TEP1: variants seen among roughly 807,000 people sequenced by gnomAD.
TEP1 encodes the protein telomerase protein component 1.
In TEP1, 241 loss-of-function variants were observed where a neutral mutation model predicts 306.3. The observed-to-expected ratio is 0.79, with a 90% confidence interval of 0.71 to 0.88. TEP1 has a LOEUF of 0.88. TEP1 is among the 40% of genes least tolerant of loss of function. TEP1 has a pLI of 0.00. For missense variants in TEP1, 3,051 were observed against 3,276.1 expected, an observed-to-expected ratio of 0.93 and a Z score of 1.68; for synonymous variants, 1,289 against 1,305.5, an observed-to-expected ratio of 0.99 and a Z score of 0.27.
chr14:20,391,346 G>T (rs1385818125), intron 13 of TEP1, among the ~76,000 whole-genome samples: 2 of 152,186 alleles, frequency 1.3e-5, no homozygotes, highest in Admixed American at 1.3e-4. Flanking sequence ...ACATATTTTG[G>T]TGATGCAAAT....
intron 9 of TEP1, among the ~76,000 whole-genome samples, chr14:20,397,135 C>T (rs1484639564): frequency 2.6e-5 from 4 of 152,216 alleles, no homozygotes; most frequent in African/African-American, 9.7e-5. Flanking sequence ...TCTGTTGGCT[C>T]TAGCCCTAAG....
chr14:20,400,701 C>A (rs574960107), intron 9 of TEP1: 6 of 349,742 alleles, frequency 1.7e-5, no homozygotes, highest in African/African-American at 1.2e-4. Flanking sequence ...ACAGAGATAT[C>A]GATATGAGTA....
At chr14:20,405,377 C>G in intron 4 of TEP1, 74 bp downstream of exon 4, 2 of 1,567,410 alleles carry the variant, frequency 1.3e-6, no homozygotes, top group Non-Finnish European at 8.7e-7. Flanking sequence ...CTAGTCACCA[C>G]CCCGCCACAC....
rs760883519 is a variant in TEP1 at position 20,368,446 on chromosome 14, A to G, written c.7875T>C (p.Asn2625=). ...CCCGAGTGGCACATCTTCATTCCCA[A>G]TTCAGAAAGTACACATTGCCCTGCA... ...GDVQGNVYFL[N]WE The change falls in exon 55 of 55, where the codon AAT becomes AAC. Residue 2625 remains asparagine, a synonymous_variant. Coordinates refer to ENST00000262715, the MANE Select transcript of TEP1 (RefSeq NM_007110.5). The G allele has an allele frequency of 1.2e-5, 19 of 1,614,010 alleles. No homozygotes were observed. Among genetic ancestry groups the G allele is most frequent in the Admixed American group, 5.0e-5 (3 of 59,992 alleles).
chr14:20,386,333 G>A, intron 19 of TEP1, 114 bp downstream of exon 19: 1 of 1,581,742 alleles, frequency 6.3e-7, no homozygotes, highest in Non-Finnish European at 8.6e-7. Flanking sequence ...TATCCAAGGA[G>A]CGACTCCCGC....
Position 20,408,187 on chromosome 14 carries a change from G to A in TEP1, c.253C>T (p.Leu85Phe). 6.2e-7 allele frequency: 1 copy of A among 1,613,862 alleles called. No homozygotes were observed. Among genetic ancestry groups the A allele is most frequent in the African/African-American group, 1.3e-5 (1 of 74,938 alleles). The change falls in exon 2 of 55, where the codon CTT (leucine) becomes TTT (phenylalanine). Residue 85 changes from leucine to phenylalanine, a missense_variant. By Grantham distance (22) the Leu-to-Phe change is conservative. Transcript: ENST00000262715. ...TTCTCCATGGTCTTCAGGTCAGAAA[G>A]TGTGGCCAGGCACTGGTTCTCCAAG... Reference protein sequence around the residue: ...LSLENQCLATLSDLKTMEKPH... With the variant: ...LSLENQCLATFSDLKTMEKPH...
intron 28 of TEP1, 53 bp downstream of exon 28, chr14:20,382,570 T>C (rs1001612808): frequency 1.7e-5 from 28 of 1,602,702 alleles, no homozygotes; most frequent in Non-Finnish European, 2.3e-5. Flanking sequence ...ACAAAGCAGC[T>C]GAAGAGAGAA....
chr14:20,396,924 G>C (rs1878254477), intron 9 of TEP1, among the ~76,000 whole-genome samples, 194 bp from the exon 10 acceptor site: 1 of 151,842 alleles, frequency 6.6e-6, no homozygotes, highest in African/African-American at 2.4e-5. Context: ...GATGATTAGA[G>C]AGAGGTCAGA....
Position 20,381,117 on chromosome 14 carries a change from C to A in TEP1, c.4648-72G>T, listed in dbSNP as rs1358779896. On this transcript the variant is annotated intron_variant, in intron 32 of 54. Coordinates refer to ENST00000262715, the MANE Select transcript of TEP1 (RefSeq NM_007110.5). This position sits in a 1 kb window ranked among gnomAD's most constrained non-coding sequence, Gnocchi z 4.0. Reference sequence around the variant, plus strand: ...AGAAGGGACAGTTTAGTCTCAGAACCTGGATACAGAGATAGGATCTGAGCT... The same window carrying A: ...AGAAGGGACAGTTTAGTCTCAGAACATGGATACAGAGATAGGATCTGAGCT... 3.7e-6 allele frequency: 5 copies of A among 1,335,888 alleles called. No individual in the cohort carries two copies. In the African/African-American group the frequency reaches 4.3e-5, roughly 12 times the overall value. The allele number at this position is 1,335,888 out of a possible 1,614,324, so 82.8% of individuals were successfully genotyped here.
Position 20,381,765 on chromosome 14 carries a change from TC to T in TEP1, c.4425-80del. 3.3e-6 allele frequency: 5 copies of T among 1,534,142 alleles called. No individual in the cohort carries two copies. Among genetic ancestry groups the T allele is most frequent in the South Asian group, 1.3e-5 (1 of 77,862 alleles). On this transcript the variant is annotated intron_variant, in intron 30 of 54. Coordinates refer to ENST00000262715, the MANE Select transcript of TEP1 (RefSeq NM_007110.5). The surrounding 1 kb of genome is among the most constrained non-coding windows in gnomAD (Gnocchi z 4.0). The stretch of plus-strand genomic sequence containing the variant: ...TTCCTGGCACACAGTGGGCTCCTAT[TC>T]CCCCCTCAAATAGCGGAAACTGGAG...
At chr14:20,402,112 T>A (rs1302754956) in intron 7 of TEP1, among the ~76,000 whole-genome samples, 1 of 151,880 alleles carries the variant, frequency 6.6e-6, no homozygotes, top group Non-Finnish European at 1.5e-5. Flanking sequence ...TTGAGACCAG[T>A]CTGACCAACA....
At chr14:20,373,170 C>A (rs530605336) in intron 47 of TEP1, 23 bp from the exon 48 acceptor site, 5 of 1,614,078 alleles carry the variant, frequency 3.1e-6, no homozygotes, top group Non-Finnish European at 3.4e-6. Flanking sequence ...GGACGTGTTT[C>A]ATTAGGAGCT....
chr14:20,388,916 G>C (rs530452897), intron 17 of TEP1, among the ~76,000 whole-genome samples: 12 of 152,186 alleles, frequency 7.9e-5, no homozygotes, highest in Non-Finnish European at 1.6e-4. Flanking sequence ...TTGGGAGGCT[G>C]AGGTGGGTGG....
In TEP1 at chr14:20,401,562, G is replaced by C; in HGVS notation, c.1286C>G (p.Thr429Arg). ...EQRKFEKAGDTVSEKKNPPRF... is the reference protein window; with the variant it reads ...EQRKFEKAGDRVSEKKNPPRF... ...TGGAGGATTCTTTTTCTCTGACACT[G>C]TATCACCGGCCTTCTCAAACTGTGG... The change falls in exon 8 of 55, where the codon ACA (threonine) becomes AGA (arginine). Residue 429 changes from threonine to arginine, a missense_variant. Coordinates refer to ENST00000262715, the MANE Select transcript of TEP1 (RefSeq NM_007110.5). 1 of 1,614,170 alleles carries C rather than the reference G, an allele frequency of 6.2e-7. No individual in the cohort carries two copies. The highest frequency in any genetic ancestry group is 8.5e-7 in the Non-Finnish European group (1 of 1,180,030).
intron 17 of TEP1, among the ~76,000 whole-genome samples, chr14:20,388,740 T>C (rs942803201): frequency 1.3e-5 from 2 of 152,146 alleles, no homozygotes; most frequent in African/African-American, 4.8e-5. Flanking sequence ...AGGTAGAAGC[T>C]GAGTATTTGA....
chr14:20,403,205 GA>G (rs1212457130), intron 7 of TEP1, among the ~76,000 whole-genome samples, 171 bp downstream of exon 7: 2 of 145,070 alleles, frequency 1.4e-5, no homozygotes, highest in African/African-American at 5.1e-5. Flanking sequence ...AGAGTGAAGT[GA>G]AAAAAAATAA....
In TEP1 at chr14:20,384,100, G is replaced by T. The variant is rs774237207; in HGVS notation, c.3472C>A (p.Leu1158Met). The change falls in exon 24 of 55, where the codon CTG becomes ATG. Residue 1158 changes from leucine to methionine, a missense_variant. Transcript: ENST00000262715. ...ACCAGGCTCAGCCTTCCGTGGGGCA[G>T]CATCAGCCGTTGCACTGTGTCCTGA... The part of the protein sequence containing the change: ...LLQDTVQRLM[L>M]PHGRLSLVTG... The T allele has an allele frequency of 6.2e-7, 1 of 1,613,978 alleles. No homozygotes were observed. The highest frequency in any genetic ancestry group is 2.2e-5 in the East Asian group (1 of 44,880).
At position 20,374,282 on chromosome 14, in the gene TEP1, T is replaced by C. The variant is rs995208418; in HGVS notation, c.6471+147A>G. 2.1e-5 allele frequency: 12 copies of C among 567,376 alleles called. No homozygotes were observed. In the African/African-American group the frequency reaches 2.3e-4, roughly 11 times the overall value. The allele number at this position is 567,376 out of a possible 1,614,324, so 35.1% of individuals were successfully genotyped here. On this transcript the variant is annotated intron_variant, in intron 44 of 54. Transcript: ENST00000262715. ...TTTTTATTTTTATTTTTTATAGAGATGGGGGGTCTTCCTATGTTGCCTAAT... is the reference window on the plus strand; with the variant it reads ...TTTTTATTTTTATTTTTTATAGAGACGGGGGGTCTTCCTATGTTGCCTAAT...
chr14:20,403,742 C>G lies in TEP1; in HGVS notation c.1175G>C (p.Arg392Pro), dbSNP rs770172232. 1 of 1,613,716 alleles carries G rather than the reference C, an allele frequency of 6.2e-7. No homozygotes were observed. The change falls in exon 6 of 55, where the codon CGC becomes CCC. Residue 392 changes from arginine to proline, a missense_variant. Around this residue, in one of 3 missense-constraint regions of TEP1, gnomAD observed 1,507 missense variants for 1,550.5 expected, o/e 0.97. Coordinates refer to ENST00000262715, the MANE Select transcript of TEP1 (RefSeq NM_007110.5). ...PRKHRAKRHP[R>P]RPPRSPGMEP... ...ACTGACTGGAGAGCGGGGTGGCCGG[C>G]GGGGGTGTCTCTTGGCCCGGTGCTT...
Sources: gnomAD v4.1 joint callset for allele counts (sites outside exome capture counted in the v4.1 genomes callset) on GRCh38, gnomAD v4.1.1 for gene constraint, gnomAD v4.1.1 regional missense constraint, Gnocchi (gnomAD v3.1) non-coding constraint, MANE v1.5 for transcripts, NCBI Gene and HGNC (gene_info 2026-07-23, HGNC 2026-07-21) for gene names.